FAF1: variants seen among roughly 807,000 people sequenced by gnomAD.
FAF1 encodes Fas associated factor 1.
A neutral mutation model predicts 92.5 loss-of-function variants in FAF1; 25 were observed. That is an observed-to-expected ratio of 0.27 (90% CI 0.20 to 0.38). The LOEUF (loss-of-function observed/expected upper bound fraction) is 0.38. Among genes scored for constraint, FAF1 ranks in the 10% least tolerant of loss-of-function variants. FAF1 has a pLI of 1.00. For synonymous variants in FAF1, 234 were observed against 273.2 expected, an observed-to-expected ratio of 0.86 and a Z score of 1.42; for missense variants, 636 against 793.3, an observed-to-expected ratio of 0.80 and a Z score of 2.38.
At chr1:50,613,651 G>A (rs925692456) in intron 8 of FAF1, among the ~76,000 whole-genome samples, 1 of 151,896 alleles carries the variant, frequency 6.6e-6, no homozygotes, top group South Asian at 2.1e-4. Flanking sequence ...TCTCACATAA[G>A]AATAATACAC....
chr1:50,760,658 T>C (rs1434265581), intron 4 of FAF1, among the ~76,000 whole-genome samples: 1 of 151,952 alleles, frequency 6.6e-6, no homozygotes, highest in African/African-American at 2.4e-5. Flanking sequence ...AGACACAACA[T>C]ACCAGAATCT....
At chr1:50,756,081 G>A (rs191581972) in intron 4 of FAF1, among the ~76,000 whole-genome samples, 2 of 152,262 alleles carry the variant, frequency 1.3e-5, no homozygotes, top group East Asian at 3.9e-4. Context: ...GCAAATTTCT[G>A]CAGCTGGCTT....
chr1:50,745,724 ACT>A (rs1029926233), intron 4 of FAF1, among the ~76,000 whole-genome samples: 2 of 151,850 alleles, frequency 1.3e-5, no homozygotes, highest in Non-Finnish European at 2.9e-5. Flanking sequence ...AGACAATTAA[ACT>A]CTTTTTCTTT....
intron 7 of FAF1, among the ~76,000 whole-genome samples, chr1:50,696,823 C>T (rs1448020447): frequency 6.6e-6 from 1 of 152,080 alleles, no homozygotes; most frequent in Non-Finnish European, 1.5e-5. Flanking sequence ...TTCCTACTGC[C>T]CTCCCTCCAC....
chr1:50,548,849 C>T (rs1649158242), intron 13 of FAF1, among the ~76,000 whole-genome samples: 1 of 152,226 alleles, frequency 6.6e-6, no homozygotes, highest in African/African-American at 2.4e-5. Flanking sequence ...TGGAGTCGAA[C>T]AAATCTGATT....
intron 6 of FAF1, among the ~76,000 whole-genome samples, chr1:50,711,870 T>C (rs1657949670): frequency 6.6e-6 from 1 of 152,182 alleles, no homozygotes; most frequent in Admixed American, 6.5e-5. Flanking sequence ...ATCTTTAAAC[T>C]TAGACTCTAG....
At chr1:50,809,281 T>C (rs564254450) in intron 2 of FAF1, among the ~76,000 whole-genome samples, 103 of 143,962 alleles carry the variant, frequency 7.2e-4, no homozygotes, top group Middle Eastern at 3.5e-3. Context: ...TGAAGGAAAC[T>C]GAGACATGAA....
chr1:50,635,440 T>C, intron 8 of FAF1, among the ~76,000 whole-genome samples: 1 of 152,194 alleles, frequency 6.6e-6, no homozygotes, highest in East Asian at 1.9e-4. Flanking sequence ...TTGTTTTGTT[T>C]CTTGAGACCA....
At position 50,474,169 on chromosome 1, in the gene FAF1, C is replaced by T. The variant is rs577834257; in HGVS notation, c.1869+1295G>A. 7.6e-4 allele frequency among the ~76,000 whole-genome samples: 116 copies of T among 152,292 alleles called. 1 individual carries two copies. The highest frequency in any genetic ancestry group is 1.2e-3 in the South Asian group (6 of 4,822). ...CTCGTGTAACTTTCAACTCATTGGT[C>T]CCAGTTCTGCCCCTGCAGCCTCAAA... On this transcript the variant is annotated intron_variant, in intron 18 of 18. Transcript: ENST00000396153.
intron 7 of FAF1, among the ~76,000 whole-genome samples, chr1:50,700,865 A>G (rs1359943845): frequency 6.6e-6 from 1 of 152,126 alleles, no homozygotes; most frequent in Non-Finnish European, 1.5e-5. Context: ...GAGAGGGGAA[A>G]AGACTTGTCA....
chr1:50,720,359 A>G (rs1393576668), intron 6 of FAF1, among the ~76,000 whole-genome samples: 3 of 152,164 alleles, frequency 2.0e-5, no homozygotes, highest in Non-Finnish European at 2.9e-5. Context: ...TGCTCACTAC[A>G]ATTAAATTTA....
rs149479915 is a variant in FAF1 at position 50,519,642 on chromosome 1, T to C, written c.1494+15727A>G. ...TATAATAGGAAATGAGAAGTATGTATGGCTATTGTTAAAGTGAAATATCTA... is the reference window on the plus strand; with the variant it reads ...TATAATAGGAAATGAGAAGTATGTACGGCTATTGTTAAAGTGAAATATCTA... On this transcript the variant is annotated intron_variant, in intron 15 of 18. Coordinates refer to ENST00000396153, the MANE Select transcript of FAF1 (RefSeq NM_007051.3). Among the ~76,000 whole-genome samples the C allele has an allele frequency of 3.2e-3, 482 of 152,340 alleles. 3 individuals carry two copies. The highest frequency in any genetic ancestry group is 6.8e-3 in the Middle Eastern group (2 of 294).
chr1:50,592,999 G>A (rs987387996), intron 9 of FAF1, among the ~76,000 whole-genome samples: 12 of 151,586 alleles, frequency 7.9e-5, no homozygotes, highest in African/African-American at 2.7e-4. Flanking sequence ...TGTAGGAGTA[G>A]AACCGGAAGA....
intron 18 of FAF1, among the ~76,000 whole-genome samples, chr1:50,445,135 TG>T (rs1317636872): frequency 4.6e-5 from 7 of 152,308 alleles, no homozygotes; most frequent in South Asian, 2.1e-4. Flanking sequence ...TTTTGTTACA[TG>T]GGTATGTTCT....
intron 2 of FAF1, among the ~76,000 whole-genome samples, chr1:50,834,401 C>G (rs1488864258): frequency 6.6e-6 from 1 of 152,182 alleles, no homozygotes; most frequent in East Asian, 1.9e-4. Flanking sequence ...AGACCACTAC[C>G]AACATGTCAT....
At position 50,819,742 on chromosome 1, in the gene FAF1, T is replaced by TATATATATATAC. The variant is rs1557543494; in HGVS notation, c.115-18066_115-18065insGTATATATATAT. ...GTATATATATATACATATATATACA[T>TATATATATATAC]ATATATATACATATATATATACGTA... On this transcript the variant is annotated intron_variant, in intron 2 of 18. Coordinates refer to ENST00000396153, the MANE Select transcript of FAF1 (RefSeq NM_007051.3). Among the ~76,000 whole-genome samples, 40 of 67,722 alleles carry TATATATATATAC rather than the reference T, an allele frequency of 5.9e-4. 4 individuals carry two copies. Among genetic ancestry groups the TATATATATATAC allele is most frequent in the African/African-American group, 2.3e-3 (40 of 17,162 alleles). 44.4% of individuals were successfully genotyped at this position (67,722 alleles called of 152,430 possible).
At chr1:50,751,667 A>G (rs1380366764) in intron 4 of FAF1, among the ~76,000 whole-genome samples, 6 of 152,182 alleles carry the variant, frequency 3.9e-5, no homozygotes, top group Admixed American at 2.0e-4. Context: ...AACAAGCCAC[A>G]TGGCCTACTT....
chr1:50,510,131 A>C (rs1647114631), intron 15 of FAF1, among the ~76,000 whole-genome samples: 1 of 149,718 alleles, frequency 6.7e-6, no homozygotes, highest in South Asian at 2.1e-4. Flanking sequence ...GCACCACTGC[A>C]CTCTAGCCTG....
chr1:50,486,549 G>A (rs1191414424), intron 17 of FAF1, among the ~76,000 whole-genome samples: 1 of 151,316 alleles, frequency 6.6e-6, no homozygotes, highest in Admixed American at 6.6e-5. Flanking sequence ...CTCTACGGGC[G>A]CACCGTGAAG....
Sources: allele counts gnomAD v4.1 joint callset (sites outside exome capture counted in the v4.1 genomes callset), GRCh38; gene constraint gnomAD v4.1.1; transcripts MANE v1.5; gene names NCBI Gene and HGNC (gene_info 2026-07-23, HGNC 2026-07-21).